Variants in EFHC2 observed in about 807,000 individuals in gnomAD.
The protein encoded by EFHC2 is EF-hand domain-containing family member C2.
EFHC2 carries 18 observed loss-of-function variants against 52.7 expected under a neutral mutation model. The ratio of observed to expected loss-of-function variants is 0.34; its 90% CI spans 0.24 to 0.51. The LOEUF is 0.51. EFHC2 is among the 20% of genes least tolerant of loss of function. EFHC2 has a pLI of 0.97. For synonymous variants in EFHC2, 203 were observed against 204.1 expected (o/e 0.99, Z 0.04); for missense variants, 513 against 562.5 (o/e 0.91, Z 0.89).
At chrX:44,192,262 G>T (rs1273582507) in intron 11 of EFHC2, among the ~76,000 whole-genome samples, 1 of 111,247 alleles carries the variant, frequency 9.0e-6, no homozygotes, top group Non-Finnish European at 1.9e-5. Flanking sequence ...TTTCTTAAAG[G>T]TTTAAAAAAC....
intron 2 of EFHC2, among the ~76,000 whole-genome samples, chrX:44,279,422 T>C (rs1416441011): frequency 5.4e-5 from 6 of 111,551 alleles, no homozygotes; most frequent in African/African-American, 2.0e-4. Flanking sequence ...TAAGGATATA[T>C]AAATTTGAAA....
intron 11 of EFHC2, among the ~76,000 whole-genome samples, chrX:44,198,115 A>C (rs1251451042): frequency 8.9e-6 from 1 of 111,809 alleles, no homozygotes; most frequent in Admixed American, 9.5e-5. Flanking sequence ...TCATTTCCAC[A>C]AGAATATAAT....
Position 44,245,349 on chromosome X carries a change from A to C in EFHC2, c.1111+2923T>G, listed in dbSNP as rs1221998107. On this transcript the variant is annotated intron_variant, in intron 7 of 14. Transcript: ENST00000420999. ...TCCCAGCCACTAAGAAAAAATAAGA[A>C]AGTCCACTGATAGACAAATAATAAC... Among the ~76,000 whole-genome samples, 6 of 112,431 alleles carry C rather than the reference A, an allele frequency of 5.3e-5. No individual in the cohort carries two copies. In the Admixed American group the frequency reaches 5.6e-4, roughly 11 times the overall value.
intron 14 of EFHC2, among the ~76,000 whole-genome samples, chrX:44,154,967 T>C (rs951810424): frequency 1.4e-3 from 157 of 111,769 alleles, no homozygotes; most frequent in African/African-American, 5.0e-3. Flanking sequence ...ACAGCACAGC[T>C]TGAAACAAAG....
intron 1 of EFHC2, among the ~76,000 whole-genome samples, chrX:44,329,881 T>C (rs756510394): frequency 9.1e-6 from 1 of 109,553 alleles, no homozygotes; most frequent in Non-Finnish European, 1.9e-5. Flanking sequence ...GCTGGGATTA[T>C]AGGCATGAGC....
chrX:44,149,009 C>A, intron 14 of EFHC2, 113 bp from the exon 15 acceptor site: 1 of 614,742 alleles, frequency 1.6e-6, no homozygotes, highest in Non-Finnish European at 2.5e-6. Context: ...ACTTTAGGTT[C>A]ATAAGGACTT....
At chrX:44,188,102 C>G (rs907573239) in intron 11 of EFHC2, among the ~76,000 whole-genome samples, 3 of 107,955 alleles carry the variant, frequency 2.8e-5, no homozygotes, top group African/African-American at 6.8e-5. Context: ...TCCCGAGTAT[C>G]TGGGGACTGC....
intron 1 of EFHC2, among the ~76,000 whole-genome samples, chrX:44,313,657 A>G (rs1015424817): frequency 1.8e-5 from 2 of 111,923 alleles, no homozygotes; most frequent in African/African-American, 6.5e-5. Context: ...ACACGTATCA[A>G]TATAGACAAA....
chrX:44,215,934 G>A (rs1252314506), intron 11 of EFHC2, among the ~76,000 whole-genome samples: 1 of 111,713 alleles, frequency 9.0e-6, no homozygotes, highest in Admixed American at 9.5e-5. Flanking sequence ...TTAATTATAT[G>A]TATGACAAGG....
Position 44,279,968 on chromosome X carries a change from C to T in EFHC2, c.232-7132G>A, listed in dbSNP as rs191862464. ...TATAGAGCTTTTAAAAATCCTGATG[C>T]ATTGGCCACACTGTCCACCACCAGC... On this transcript the variant is annotated intron_variant, in intron 2 of 14. Transcript: ENST00000420999. Among the ~76,000 whole-genome samples the T allele has an allele frequency of 6.5e-5, 7 of 107,621 alleles. No homozygotes were observed. The Admixed American group carries it at 7.1e-4, about 11-fold the overall frequency. The allele number at this position is 107,621 out of a possible 115,157, so 93.5% of individuals were successfully genotyped here. A position where few individuals can be genotyped will look rare whatever the true frequency, so the allele number is the denominator to read the frequency against.
intron 2 of EFHC2, chrX:44,283,913 GGGGCCCGTCGGCACGCA>G (rs2037732446): frequency 9.2e-6 from 1 of 108,856 alleles, no homozygotes; most frequent in Non-Finnish European, 1.9e-5. Flanking sequence ...CTCCAGCTCT[GGGGCCCGTCGGCACGCA>G]GAAAAGTACC....
At chrX:44,216,203 T>G (rs1364901926) in intron 11 of EFHC2, among the ~76,000 whole-genome samples, 2 of 112,298 alleles carry the variant, frequency 1.8e-5, no homozygotes, top group African/African-American at 3.2e-5. Flanking sequence ...TAACACCCAT[T>G]TTGCTATTTT....
At chrX:44,320,007 A>G (rs925310029) in intron 1 of EFHC2, among the ~76,000 whole-genome samples, 1 of 111,000 alleles carries the variant, frequency 9.0e-6, no homozygotes, top group Non-Finnish European at 1.9e-5. Context: ...CAGTGGTGCA[A>G]TCTCGGCTCA....
chrX:44,169,115 G>A (rs902844421), intron 13 of EFHC2, among the ~76,000 whole-genome samples: 5 of 111,415 alleles, frequency 4.5e-5, no homozygotes, highest in Admixed American at 9.5e-5. Context: ...GATGAAAAAC[G>A]TGCTCTTGGA....
At chrX:44,207,799 C>T (rs2037060224) in intron 11 of EFHC2, among the ~76,000 whole-genome samples, 2 of 98,431 alleles carry the variant, frequency 2.0e-5, no homozygotes, top group African/African-American at 3.3e-5. Context: ...AAATCAACAA[C>T]AACAACAACA....
intron 1 of EFHC2, among the ~76,000 whole-genome samples, chrX:44,315,102 AG>A (rs1220178032): frequency 9.0e-6 from 1 of 111,062 alleles, no homozygotes; most frequent in Admixed American, 9.6e-5. Context: ...GTTGTCGCTC[AG>A]TTATTTCACA....
chrX:44,333,693 C>A (rs2038101493), intron 1 of EFHC2, among the ~76,000 whole-genome samples: 1 of 109,923 alleles, frequency 9.1e-6, no homozygotes, highest in Non-Finnish European at 1.9e-5. Context: ...TTCCCTTTCC[C>A]ACCTCCAAAA....
At chrX:44,155,380 G>T (rs1328296800) in intron 14 of EFHC2, among the ~76,000 whole-genome samples, 1 of 112,265 alleles carries the variant, frequency 8.9e-6, no homozygotes, top group African/African-American at 3.2e-5. Context: ...AACAGCAGCT[G>T]CCCAGTGAGA....
chrX:44,272,415 A>G (rs927475026), intron 3 of EFHC2, among the ~76,000 whole-genome samples: 5 of 112,257 alleles, frequency 4.5e-5, no homozygotes, highest in African/African-American at 1.6e-4. Flanking sequence ...TCAAAGGCAC[A>G]GGAGAGTTTA....
Sources: gnomAD v4.1 joint callset for allele counts (sites outside exome capture counted in the v4.1 genomes callset) on GRCh38, gnomAD v4.1.1 for gene constraint, MANE v1.5 for transcripts, NCBI Gene and HGNC (gene_info 2026-07-23, HGNC 2026-07-21) for gene names.